Variants in ZNF335 observed in about 807,000 individuals in gnomAD.
ZNF335 encodes NRC-interacting factor 1.
In ZNF335, 84 loss-of-function variants were observed where a neutral mutation model predicts 145.6. The observed-to-expected ratio is 0.58, with a 90% CI of 0.48 to 0.69. The LOEUF (loss-of-function observed/expected upper bound fraction) is 0.69, where lower values mean the gene tolerates loss of function less well. Ranked by LOEUF, ZNF335 falls within the 30% of genes least tolerant of loss-of-function variation. The probability of loss-of-function intolerance (pLI) is 0.00; values close to 1 mark genes in which losing one functional copy is unlikely to be tolerated. For missense variants in ZNF335, 1,865 were observed against 1,809.7 expected (o/e 1.03, Z -0.55); for synonymous variants, 761 against 717.0 (o/e 1.06, Z -0.98).
intron 7 of ZNF335, 26 bp downstream of exon 7, chr20:45,965,602 G>A (rs759463917): frequency 5.5e-5 from 87 of 1,579,038 alleles, no homozygotes; most frequent in Non-Finnish European, 4.1e-5. Flanking sequence ...CCACCCACAC[G>A]AGCCCCTCCC....
rs773998374 is a variant in ZNF335, at chr20:45,960,274, T to C, written c.1954A>G (p.Ser652Gly). 6.2e-6 allele frequency: 10 copies of C among 1,614,178 alleles called. No homozygotes were observed. Among genetic ancestry groups the C allele is most frequent in the Non-Finnish European group, 8.5e-6 (10 of 1,180,024 alleles). Reference sequence around the variant, plus strand: ...CGGAAGGTGCGGTAGGGACAAAAGCTGCATTTGAAGGGCTTGTCACTGACG... The same window carrying C: ...CGGAAGGTGCGGTAGGGACAAAAGCCGCATTTGAAGGGCTTGTCACTGACG... ...SHVSDKPFKC[S>G]FCPYRTFRED... The change falls in exon 14 of 28, where the codon AGC becomes GGC. Residue 652 changes from serine (S) to glycine (G), a missense_variant. Physicochemically the swap from Ser to Gly is moderately conservative, Grantham distance 56. Coordinates refer to ENST00000322927, the MANE Select transcript of ZNF335 (RefSeq NM_022095.4).
In ZNF335 at chr20:45,963,853, C is replaced by A; in HGVS notation, c.1240G>T (p.Gly414Cys). The change falls in exon 8 of 28, where the codon GGT becomes TGT. Residue 414 changes from glycine (G) to cysteine (C), a missense_variant. By Grantham distance (159) the Gly-to-Cys change is radical. Transcript: ENST00000322927. ...TTCTCTGCATCTGACTGGCTCACAC[C>A]AGCTTCCACAGGGGTCCTGCTCACC... ...GKVSRTPVEA[G>C]VSQSDAENAA... 1 of 1,612,330 alleles carries A rather than the reference C, an allele frequency of 6.2e-7. No individual in the cohort carries two copies. The highest frequency in any genetic ancestry group is 8.5e-7 in the Non-Finnish European group (1 of 1,178,954).
At chr20:45,963,347 C>T (rs2083886643) in intron 9 of ZNF335, 126 bp downstream of exon 9, 3 of 1,131,098 alleles carry the variant, frequency 2.7e-6, no homozygotes, top group Non-Finnish European at 3.7e-6. Flanking sequence ...GACACGCGTT[C>T]TGAAGAGCAG....
rs939898710 is a variant in ZNF335, at chr20:45,963,411, A to G, written c.1533+62T>C. 35 of 1,552,262 alleles carry G rather than the reference A, an allele frequency of 2.3e-5. No individual in the cohort carries two copies. The Admixed American group carries it at 6.3e-4, about 28-fold the overall frequency. ...GACTCCATTCTCCCTCAGTGGCACC[A>G]GCTGGCCTCTGCTTGCCTTCTTCAC... On this transcript the variant is annotated intron_variant, in intron 9 of 27. Coordinates refer to ENST00000322927, the MANE Select transcript of ZNF335 (RefSeq NM_022095.4).
intron 18 of ZNF335, 142 bp downstream of exon 18, chr20:45,953,547 G>A (rs2083671954): frequency 1.8e-6 from 2 of 1,130,682 alleles, no homozygotes; most frequent in Admixed American, 2.5e-5. Flanking sequence ...GACCTCCTGA[G>A]AAGGGTAGAC....
At chr20:45,968,389 C>A in intron 3 of ZNF335, 27 bp from the exon 4 acceptor site, 3 of 1,596,876 alleles carry the variant, frequency 1.9e-6, no homozygotes, top group Non-Finnish European at 1.7e-6. Context: ...AAGGGTCACA[C>A]CTCCTGGGGA....
At chr20:45,955,825 A>T (rs1475526452) in intron 17 of ZNF335, among the ~76,000 whole-genome samples, 1 of 152,132 alleles carries the variant, frequency 6.6e-6, no homozygotes, top group Non-Finnish European at 1.5e-5. Flanking sequence ...ATCTCAAAAA[A>T]AAAAAAAATT....
At chr20:45,962,025 C>CA in intron 10 of ZNF335, 45 bp downstream of exon 10, 1 of 1,137,202 alleles carries the variant, frequency 8.8e-7, no homozygotes, top group Non-Finnish European at 1.3e-6. Context: ...CTTCCCCACC[C>CA]AACCTGGCCT....
In ZNF335 at chr20:45,968,215, G is replaced by A. The variant is rs3737063; in HGVS notation, c.520+70C>T. On this transcript the variant is annotated intron_variant, in intron 4 of 27. Transcript: ENST00000322927. ...AGCCAGGGCCACAGACGGAATCCGCGGCAGAACCTGTCCTCACCTATCCCC... is the reference window on the plus strand; with the variant it reads ...AGCCAGGGCCACAGACGGAATCCGCAGCAGAACCTGTCCTCACCTATCCCC... 0.014 allele frequency: 21,034 copies of A among 1,555,446 alleles called. 1,421 individuals are homozygous for A. In the East Asian group the frequency reaches 0.22, roughly 17 times the overall value.
chr20:45,968,574 C>CA, intron 3 of ZNF335: 1 of 479,488 alleles, frequency 2.1e-6, no homozygotes, highest in Non-Finnish European at 3.8e-6. Context: ...GCTGACTCAG[C>CA]AGCCGGCCCA....
intron 6 of ZNF335, among the ~76,000 whole-genome samples, chr20:45,966,644 G>A (rs2083960108): frequency 2.0e-5 from 3 of 150,510 alleles, no homozygotes; most frequent in African/African-American, 4.9e-5. Flanking sequence ...TCTACCTCCC[G>A]GGTTCAAGCG....
intron 18 of ZNF335, 55 bp downstream of exon 18, chr20:45,953,630 GGACC>G (rs1036343468): frequency 3.1e-6 from 5 of 1,593,366 alleles, no homozygotes; most frequent in Admixed American, 1.7e-5. Context: ...GGCCCAAATC[GGACC>G]GACCGACCAC....
In ZNF335 at chr20:45,949,815, C is replaced by T; in HGVS notation, c.3654G>A (p.Val1218=). The T allele has an allele frequency of 1.2e-6, 2 of 1,614,030 alleles. No homozygotes were observed. The highest frequency in any genetic ancestry group is 1.7e-6 in the Non-Finnish European group (2 of 1,179,976). ...TADGQTVQHL[V]TSDNQVQYII... is the part of the protein sequence containing the mutation. ...AGTAGCTCACCTGGTTGTCGGAGGT[C>T]ACCAGGTGCTGTACGGTCTGGCCAT... Residue 1218 remains valine, a synonymous_variant, in exon 24 of 28, where the codon GTG becomes GTA. Transcript: ENST00000322927.
intron 17 of ZNF335, among the ~76,000 whole-genome samples, chr20:45,954,705 A>G (rs1345913782): frequency 6.6e-6 from 1 of 152,108 alleles, no homozygotes; most frequent in Non-Finnish European, 1.5e-5. Context: ...GGTACTTTAG[A>G]AAGGAATAAA....
chr20:45,970,116 C>T (rs2084032340), intron 2 of ZNF335: 1 of 161,046 alleles, frequency 6.2e-6, no homozygotes, highest in Non-Finnish European at 1.4e-5. Context: ...CTTCTTCATC[C>T]TCAGTGCTGC....
At chr20:45,961,605 A>G (rs2083845286) in intron 10 of ZNF335, 1 of 152,962 alleles carries the variant, frequency 6.5e-6, no homozygotes, top group African/African-American at 2.4e-5. Flanking sequence ...CTCTGCTCAC[A>G]CACCACCTCT....
In ZNF335 at chr20:45,950,325, A is replaced by T. The variant is rs775187200; in HGVS notation, c.3381T>A (p.Ser1127Arg). 3 of 1,579,766 alleles carry T rather than the reference A, an allele frequency of 1.9e-6. No homozygotes were observed. In the East Asian group the frequency reaches 6.7e-5, roughly 35 times the overall value. Residue 1127 changes from serine to arginine, a missense_variant, in exon 22 of 28, where the codon AGT becomes AGA. Physicochemically the swap from Ser to Arg is moderately radical, Grantham distance 110. Coordinates refer to ENST00000322927, the MANE Select transcript of ZNF335 (RefSeq NM_022095.4). ...GGGTTCCTGACTTCCTCCCATCAGG[A>T]CTGTGCAGCCGCTGGATGTGGAACT... ...HLKFHIQRLH[S>R]PDGRKSGTPT... is the part of the protein sequence containing the mutation.
intron 2 of ZNF335, chr20:45,969,928 G>T: frequency 2.3e-6 from 1 of 440,514 alleles, no homozygotes; most frequent in Non-Finnish European, 4.0e-6. Flanking sequence ...ATAAGAGAAG[G>T]GACTCCTAAG....
rs779065322 is a variant in ZNF335 at position 45,963,518 on chromosome 20, C to T, written c.1488G>A (p.Lys496=). Residue 496 remains lysine, a synonymous_variant, in exon 9 of 28, where the codon AAG becomes AAA. Transcript: ENST00000322927. ...GGGAACGATAGCTGCACTGCAGGCA[C>T]TTGAAGAGCTGGGGATCGCCAGCCT... ...SHEAGDPQLF[K]CLQCSYRSRR... 6.2e-7 allele frequency: 1 copy of T among 1,614,180 alleles called. No homozygotes were observed. The highest frequency in any genetic ancestry group is 1.7e-5 in the Admixed American group (1 of 60,026).
Sources: gnomAD v4.1 joint callset for allele counts (sites outside exome capture counted in the v4.1 genomes callset) on GRCh38, gnomAD v4.1.1 for gene constraint, MANE v1.5 for transcripts, NCBI Gene and HGNC (gene_info 2026-07-23, HGNC 2026-07-21) for gene names.